Variants in CPED1 observed in about 807,000 individuals in gnomAD.
CPED1 encodes the protein cadherin-like and PC-esterase domain-containing protein 1.
CPED1 carries 114 observed loss-of-function variants against 128.2 expected under a neutral mutation model. The ratio of observed to expected loss-of-function variants is 0.89; its 90% confidence interval spans 0.76 to 1.04. The LOEUF is 1.04. CPED1 is among the 50% of genes least tolerant of loss of function. The pLI, the probability that CPED1 is intolerant of heterozygous loss-of-function variation, is 0.00. For synonymous variants in CPED1, 462 were observed against 426.7 expected (o/e 1.08, Z -1.02); for missense variants, 1,211 against 1,207.1 (o/e 1.00, Z -0.05).
At chr7:121,031,895 C>T (rs180973704) in intron 3 of CPED1, among the ~76,000 whole-genome samples, 1 of 152,130 alleles carries the variant, frequency 6.6e-6, no homozygotes. Context: ...AGAATAGATG[C>T]TGAACCTCAT....
rs1795989246 is a variant in CPED1 at position 121,144,951 on chromosome 7, A to G, written c.2055+2810A>G. Among the ~76,000 whole-genome samples, 4 of 152,040 alleles carry G rather than the reference A, an allele frequency of 2.6e-5. No individual in the cohort carries two copies. The South Asian group carries it at 8.3e-4, about 31-fold the overall frequency. ...TATAGAAGTCAGAATAGCAGTTACT[A>G]GAAGGTGTAGGTACAACTAAGCATG... On this transcript the variant is annotated intron_variant, in intron 16 of 22. Coordinates refer to ENST00000310396, the MANE Select transcript of CPED1 (RefSeq NM_024913.5).
At chr7:121,295,280 C>T (rs950488805) in intron 22 of CPED1, among the ~76,000 whole-genome samples, 160 bp from the exon 23 acceptor site, 2 of 151,988 alleles carry the variant, frequency 1.3e-5, no homozygotes, top group Non-Finnish European at 2.9e-5. Context: ...TGGTCTTTTT[C>T]GAAACATAAG....
intron 16 of CPED1, among the ~76,000 whole-genome samples, chr7:121,215,013 T>G (rs909725811): frequency 2.0e-5 from 3 of 152,218 alleles, no homozygotes; most frequent in East Asian, 1.9e-4. Flanking sequence ...TTGCATACAC[T>G]TAAACTTGCA....
intron 16 of CPED1, among the ~76,000 whole-genome samples, chr7:121,163,339 A>G (rs941507010): frequency 1.3e-5 from 2 of 152,206 alleles, no homozygotes; most frequent in Admixed American, 6.5e-5. Flanking sequence ...CAGAAAAGGA[A>G]CTTTATTCAA....
chr7:121,047,815 A>G (rs1411003750), intron 4 of CPED1, among the ~76,000 whole-genome samples: 1 of 149,852 alleles, frequency 6.7e-6, no homozygotes, highest in Non-Finnish European at 1.5e-5. Context: ...GGTTCACGCC[A>G]TTCTCCTGCC....
chr7:121,113,969 T>C (rs1294688734), intron 7 of CPED1, among the ~76,000 whole-genome samples: 2 of 152,052 alleles, frequency 1.3e-5, no homozygotes, highest in Non-Finnish European at 2.9e-5. Context: ...GCCAGGACTA[T>C]AGATGCGCAC....
intron 16 of CPED1, among the ~76,000 whole-genome samples, chr7:121,173,390 T>A (rs1414487774): frequency 2.0e-5 from 3 of 152,090 alleles, no homozygotes; most frequent in Non-Finnish European, 4.4e-5. Context: ...TCTTTTCTGC[T>A]CTTTTCCTGT....
Position 121,271,368 on chromosome 7 carries a change from A to G in CPED1, c.2806A>G (p.Thr936Ala). Residue 936 changes from threonine (T) to alanine (A), a missense_variant, in exon 22 of 23, where the codon ACT (threonine) becomes GCT (alanine). Physicochemically the swap from Thr to Ala is moderately conservative, Grantham distance 58. Coordinates refer to ENST00000310396, the MANE Select transcript of CPED1 (RefSeq NM_024913.5). ...KHGYEVVDTF[T>A]ITMGRYKEFL... ...TGGCTATGAAGTAGTTGACACATTC[A>G]CTATAACAATGGGGCGTTACAAAGA... 3.7e-6 allele frequency: 6 copies of G among 1,612,880 alleles called. No individual in the cohort carries two copies. Among genetic ancestry groups the G allele is most frequent in the Non-Finnish European group, 5.1e-6 (6 of 1,179,148 alleles).
intron 16 of CPED1, among the ~76,000 whole-genome samples, chr7:121,173,408 C>A (rs944414499): frequency 2.0e-5 from 3 of 152,040 alleles, no homozygotes; most frequent in African/African-American, 7.2e-5. Flanking sequence ...TGTCTACCAC[C>A]CTTCACCTTC....
At chr7:121,290,138 C>G (rs1230962384) in intron 22 of CPED1, among the ~76,000 whole-genome samples, 1 of 152,212 alleles carries the variant, frequency 6.6e-6, no homozygotes, top group African/African-American at 2.4e-5. Context: ...ACATGAAACT[C>G]ATCCTTTTTT....
At chr7:121,170,675 A>C (rs988963630) in intron 16 of CPED1, among the ~76,000 whole-genome samples, 3 of 152,160 alleles carry the variant, frequency 2.0e-5, no homozygotes, top group African/African-American at 7.2e-5. Flanking sequence ...TTATACAAAT[A>C]ATAAATTAGT....
At chr7:121,034,135 A>G (rs1398758570) in intron 3 of CPED1, among the ~76,000 whole-genome samples, 2 of 152,186 alleles carry the variant, frequency 1.3e-5, no homozygotes, top group East Asian at 3.8e-4. Flanking sequence ...TCAAAAAGTC[A>G]TATTATATAC....
chr7:121,253,778 C>A (rs1317363309), intron 18 of CPED1, among the ~76,000 whole-genome samples: 1 of 151,878 alleles, frequency 6.6e-6, no homozygotes, highest in African/African-American at 2.4e-5. Flanking sequence ...TATTTTATAT[C>A]AGATAAAATA....
intron 16 of CPED1, among the ~76,000 whole-genome samples, chr7:121,153,653 C>A (rs966702905): frequency 1.3e-5 from 2 of 152,098 alleles, no homozygotes; most frequent in African/African-American, 4.8e-5. Flanking sequence ...ATTTTTGAAC[C>A]CAGAAGTCCT....
chr7:121,171,582 C>T (rs1796649892), intron 16 of CPED1, among the ~76,000 whole-genome samples: 1 of 152,172 alleles, frequency 6.6e-6, no homozygotes, highest in Non-Finnish European at 1.5e-5. Flanking sequence ...CCAGTGGTTT[C>T]TCTGGAACCT....
chr7:121,090,138 GA>G (rs1282133353), intron 5 of CPED1, among the ~76,000 whole-genome samples: 1 of 152,186 alleles, frequency 6.6e-6, no homozygotes, highest in Non-Finnish European at 1.5e-5. Context: ...CACTTCCACT[GA>G]AAAAGACTAC....
At chr7:121,242,202 T>A (rs1798412924) in intron 17 of CPED1, among the ~76,000 whole-genome samples, 2 of 152,318 alleles carry the variant, frequency 1.3e-5, no homozygotes, top group East Asian at 3.9e-4. Context: ...TACGTATAAA[T>A]TATAATCTTC....
intron 16 of CPED1, among the ~76,000 whole-genome samples, chr7:121,220,274 C>T (rs1371736738): frequency 5.9e-5 from 9 of 152,038 alleles, no homozygotes; most frequent in Admixed American, 5.9e-4. Context: ...CACTTCCTAT[C>T]CCAGTCTCTG....
At chr7:120,992,041 GAA>G (rs1463508125) in intron 2 of CPED1, among the ~76,000 whole-genome samples, 2 of 151,752 alleles carry the variant, frequency 1.3e-5, no homozygotes, top group South Asian at 2.1e-4. Context: ...TATATGTTTT[GAA>G]AAAAGAGTCA....
Sources: allele counts gnomAD v4.1 joint callset (sites outside exome capture counted in the v4.1 genomes callset), GRCh38; gene constraint gnomAD v4.1.1; transcripts MANE v1.5; gene names NCBI Gene and HGNC (gene_info 2026-07-23, HGNC 2026-07-21).